PLEKHG4B: variants seen among roughly 807,000 people sequenced by gnomAD.
The protein encoded by PLEKHG4B is pleckstrin homology domain-containing family G member 4B.
Under a neutral mutation model 121.3 loss-of-function variants are expected in PLEKHG4B, and 111 were observed. The observed-to-expected ratio is 0.92, with a 90% CI of 0.78 to 1.07. The LOEUF (loss-of-function observed/expected upper bound fraction) is 1.07, where lower values mean the gene tolerates loss of function less well. Ranked by LOEUF, PLEKHG4B falls within the 50% of genes least tolerant of loss-of-function variation. The probability of loss-of-function intolerance (pLI) is 0.00; values close to 1 mark genes in which losing one functional copy is unlikely to be tolerated. For missense variants in PLEKHG4B, 1,831 were observed against 1,757.8 expected (o/e 1.04, Z -0.74); for synonymous variants, 738 against 725.0 (o/e 1.02, Z -0.29).
chr5:165,144 C>T lies in PLEKHG4B; in HGVS notation c.3476+1596C>T, dbSNP rs568673573. On this transcript the variant is annotated intron_variant, in intron 13 of 19. Coordinates refer to ENST00000637938, the MANE Select transcript of PLEKHG4B (RefSeq NM_052909.5). Reference sequence around the variant, plus strand: ...CTCACACAGTAATGCTGTGACGGGGCGGAGCTCACACTAATGCTCTGACGG... The same window carrying T: ...CTCACACAGTAATGCTGTGACGGGGTGGAGCTCACACTAATGCTCTGACGG... Among the ~76,000 whole-genome samples the T allele has an allele frequency of 6.7e-5, 6 of 89,956 alleles. 1 individual carries two copies. The highest frequency in any genetic ancestry group is 5.9e-4 in the East Asian group (2 of 3,392). 59.0% of individuals were successfully genotyped at this position (89,956 alleles called of 152,430 possible).
In PLEKHG4B at chr5:140,653, G is replaced by A. The variant is rs1249430516; in HGVS notation, c.1414G>A (p.Gly472Arg). 9.3e-6 allele frequency: 15 copies of A among 1,607,950 alleles called. No individual in the cohort carries two copies. Among genetic ancestry groups the A allele is most frequent in the Non-Finnish European group, 1.2e-5 (14 of 1,177,286 alleles). The change falls in exon 3 of 20, where the codon GGA becomes AGA. Residue 472 changes from glycine (G) to arginine (R), a missense_variant. Gly to Arg is a moderately radical substitution (Grantham distance 125). Transcript: ENST00000637938. The part of the protein sequence containing the change: ...AGSRPGGHLG[G>R]QAVGTPNCVP... ...CTCCAGGCCTGGGGGCCACCTAGGA[G>A]GACAAGCTGTGGGGACCCCAAACTG...
Position 156,916 on chromosome 5 carries a change from G to C in PLEKHG4B, c.2487+5G>C. The C allele has an allele frequency of 1.2e-6, 2 of 1,611,388 alleles. No homozygotes were observed. The highest frequency in any genetic ancestry group is 1.7e-6 in the Non-Finnish European group (2 of 1,179,240). On this transcript the variant is annotated splice_donor_5th_base_variant and intron_variant, in intron 11 of 19. Coordinates refer to ENST00000637938, the MANE Select transcript of PLEKHG4B (RefSeq NM_052909.5). The surrounding 1 kb of genome is among the most constrained non-coding windows in gnomAD (Gnocchi z 4.4). ...CTCCTGGAAGGGAATGACCAGGTCA[G>C]AGCTGCAGGAGGAAGGCGGCCCGGT...
At chr5:136,559 A>G (rs1440906465) in intron 2 of PLEKHG4B, among the ~76,000 whole-genome samples, 2 of 152,238 alleles carry the variant, frequency 1.3e-5, no homozygotes, top group African/African-American at 4.8e-5. Flanking sequence ...GCACATGAAG[A>G]GATGCTCAAC....
chr5:95,218 T>G (rs1283141151), intron 1 of PLEKHG4B, among the ~76,000 whole-genome samples: 1 of 152,236 alleles, frequency 6.6e-6, no homozygotes, highest in East Asian at 1.9e-4. Context: ...CTTACCTTTC[T>G]GAGGCTGACA....
In PLEKHG4B at chr5:185,608, G is replaced by A. The variant is rs1733601674; in HGVS notation, c.*3285G>A. ...CCCCCGTGAAAGCCACTTCAAGCGT[G>A]TTGCTTCAAATCAGAAGGCATCTAC... On this transcript the variant is annotated 3_prime_UTR_variant, in exon 20 of 20. Transcript: ENST00000637938. The A allele has an allele frequency of 6.6e-6, 1 of 152,410 alleles. No homozygotes were observed. Among genetic ancestry groups the A allele is most frequent in the African/African-American group, 2.4e-5 (1 of 41,476 alleles). 9.4% of individuals were successfully genotyped at this position (152,410 alleles called of 1,614,324 possible). A position where few individuals can be genotyped will look rare whatever the true frequency, so the allele number is the denominator to read the frequency against.
chr5:106,275 C>G (rs1733971320), intron 1 of PLEKHG4B, among the ~76,000 whole-genome samples: 1 of 152,164 alleles, frequency 6.6e-6, no homozygotes, highest in Non-Finnish European at 1.5e-5. Context: ...TTGAGGAAAG[C>G]ACGAGTACTG....
At position 181,551 on chromosome 5, in the gene PLEKHG4B, C is replaced by T. The variant is rs1218142472; in HGVS notation, c.4440C>T (p.Gly1480=). Residue 1480 remains glycine, a synonymous_variant, in exon 19 of 20, where the codon GGC becomes GGT. Coordinates refer to ENST00000637938, the MANE Select transcript of PLEKHG4B (RefSeq NM_052909.5). ...RIQEMASMGI[G]NQPFMDVKPR... ...AAGAAATGGCATCCATGGGTATAGG[C>T]AACCAGCCATTCATGGATGTCAAGC... 6.2e-7 allele frequency: 1 copy of T among 1,613,252 alleles called. No homozygotes were observed. Among genetic ancestry groups the T allele is most frequent in the South Asian group, 1.1e-5 (1 of 91,074 alleles).
In PLEKHG4B at chr5:157,055, C is replaced by A; in HGVS notation, c.2487+144C>A. On this transcript the variant is annotated intron_variant, in intron 11 of 19. Transcript: ENST00000637938. The surrounding 1 kb of genome is among the most constrained non-coding windows in gnomAD (Gnocchi z 4.6). ...TGAAATTATGTCAGGATAGGGCATGCCTTGCTGCTTGTGTAAAAAGAAATA... is the reference window on the plus strand; with the variant it reads ...TGAAATTATGTCAGGATAGGGCATGACTTGCTGCTTGTGTAAAAAGAAATA... The A allele has an allele frequency of 8.8e-7, 1 of 1,130,002 alleles. No individual in the cohort carries two copies. Among genetic ancestry groups the A allele is most frequent in the Non-Finnish European group, 1.3e-6 (1 of 774,670 alleles). 70.0% of individuals were successfully genotyped at this position (1,130,002 alleles called of 1,614,324 possible). A position where few individuals can be genotyped will look rare whatever the true frequency, so the allele number is the denominator to read the frequency against.
chr5:112,727 T>C lies in PLEKHG4B; in HGVS notation c.46-524T>C, dbSNP rs564735913. Among the ~76,000 whole-genome samples the C allele has an allele frequency of 1.1e-4, 17 of 152,248 alleles. No individual in the cohort carries two copies. The East Asian group carries it at 1.7e-3, about 16-fold the overall frequency. ...CAAAATCATCGACACAATTAAAATG[T>C]ATTTGCTGTGGGATGAGCTTGTTTT... On this transcript the variant is annotated intron_variant, in intron 1 of 19. Coordinates refer to ENST00000637938, the MANE Select transcript of PLEKHG4B (RefSeq NM_052909.5).
In PLEKHG4B at chr5:182,307, G is replaced by A. The variant is rs114406149; in HGVS notation, c.4868G>A (p.Arg1623His). 3.4e-5 allele frequency: 54 copies of A among 1,605,336 alleles called. No individual in the cohort carries two copies. The highest frequency in any genetic ancestry group is 3.2e-4 in the African/African-American group (24 of 74,862). The part of the protein sequence containing the change: ...CEGAPAVLLS[R>H]TRQA ...GGGGCTCCTGCTGTGCTGCTGAGCC[G>A]CACACGCCAGGCCTGATGACTGTCA... The change falls in exon 20 of 20, where the codon CGC (arginine) becomes CAC (histidine). Residue 1623 changes from arginine to histidine, a missense_variant. By Grantham distance (29) the Arg-to-His change is conservative. Transcript: ENST00000637938.
At chr5:173,741 G>A (rs534811021) in intron 17 of PLEKHG4B, among the ~76,000 whole-genome samples, 177 bp from the exon 18 acceptor site, 4 of 151,730 alleles carry the variant, frequency 2.6e-5, no homozygotes, top group East Asian at 1.9e-4. Context: ...TCCCTGGCAC[G>A]GTCACAAGCA....
At position 177,460 on chromosome 5, in the gene PLEKHG4B, C is replaced by A. The variant is rs145249558; in HGVS notation, c.4402+3362C>A. 3.9e-5 allele frequency among the ~76,000 whole-genome samples: 6 copies of A among 152,264 alleles called. No individual in the cohort carries two copies. In the East Asian group the frequency reaches 1.2e-3, roughly 29 times the overall value. ...TGTGATACCAGTTTTGAGTTTAAGA[C>A]CACTTTGGTCAAATAATATACACTA... On this transcript the variant is annotated intron_variant, in intron 18 of 19. Coordinates refer to ENST00000637938, the MANE Select transcript of PLEKHG4B (RefSeq NM_052909.5).
intron 18 of PLEKHG4B, among the ~76,000 whole-genome samples, chr5:177,734 T>A (rs1352815179): frequency 6.6e-6 from 1 of 152,238 alleles, no homozygotes; most frequent in African/African-American, 2.4e-5. Context: ...CATTTATCCT[T>A]GATCCTAAGA....
At position 133,941 on chromosome 5, in the gene PLEKHG4B, C is replaced by T. The variant is rs563081541; in HGVS notation, c.244-5542C>T. Among the ~76,000 whole-genome samples, 405 of 146,342 alleles carry T rather than the reference C, an allele frequency of 2.8e-3. 5 individuals are homozygous for T. The highest frequency in any genetic ancestry group is 9.7e-3 in the African/African-American group (378 of 39,164). ...ACACACGCACACACACACACACACA[C>T]ATATATATATGGTGGAATATATATA... On this transcript the variant is annotated intron_variant, in intron 2 of 19. Coordinates refer to ENST00000637938, the MANE Select transcript of PLEKHG4B (RefSeq NM_052909.5).
intron 11 of PLEKHG4B, among the ~76,000 whole-genome samples, chr5:161,312 C>A (rs1303320034): frequency 6.6e-6 from 1 of 152,252 alleles, no homozygotes; most frequent in African/African-American, 2.4e-5. Context: ...ACCATATTAA[C>A]CAGTTTCAAA....
chr5:95,773 G>T (rs1733612220), intron 1 of PLEKHG4B, among the ~76,000 whole-genome samples: 1 of 152,038 alleles, frequency 6.6e-6, no homozygotes, highest in African/African-American at 2.4e-5. Flanking sequence ...GTGTCCAATG[G>T]AGGGGACTAC....
At chr5:109,991 CATG>C (rs1474402306) in intron 1 of PLEKHG4B, among the ~76,000 whole-genome samples, 2 of 150,704 alleles carry the variant, frequency 1.3e-5, no homozygotes, top group Non-Finnish European at 3.0e-5. Flanking sequence ...CTGCAACACA[CATG>C]CATACACCCA....
chr5:142,925 C>T lies in PLEKHG4B; in HGVS notation c.1478-122C>T, dbSNP rs1229490351. 3.1e-6 allele frequency: 3 copies of T among 955,234 alleles called. No homozygotes were observed. The African/African-American group carries it at 4.9e-5, about 16-fold the overall frequency. The allele number at this position is 955,234 out of a possible 1,614,324, so 59.2% of individuals were successfully genotyped here. A position where few individuals can be genotyped will look rare whatever the true frequency, so the allele number is the denominator to read the frequency against. Reference sequence around the variant, plus strand: ...TCCCGTGTGAACTGGGACAAGTTTTCTCGGAACCCCCTACTTTCATGCGTG... The same window carrying T: ...TCCCGTGTGAACTGGGACAAGTTTTTTCGGAACCCCCTACTTTCATGCGTG... On this transcript the variant is annotated intron_variant, in intron 3 of 19. Transcript: ENST00000637938.
intron 1 of PLEKHG4B, among the ~76,000 whole-genome samples, chr5:94,294 C>T (rs1446392969): frequency 3.3e-5 from 5 of 152,252 alleles, no homozygotes; most frequent in African/African-American, 1.2e-4. Flanking sequence ...AGGGCAGGTG[C>T]TCCCTGTGGA....
Sources: allele counts gnomAD v4.1 joint callset (sites outside exome capture counted in the v4.1 genomes callset), GRCh38; gene constraint gnomAD v4.1.1; non-coding constraint Gnocchi (gnomAD v3.1); transcripts MANE v1.5; gene names NCBI Gene and HGNC (gene_info 2026-07-23, HGNC 2026-07-21).